The following RASSF3 variants were observed in gnomAD, a reference collection of about 807,000 sequenced individuals.
RASSF3 encodes ras association domain-containing protein 3.
A neutral mutation model predicts 19.9 loss-of-function variants in RASSF3; 19 were observed. The ratio of observed to expected loss-of-function variants is 0.96; its 90% CI spans 0.67 to 1.40. The LOEUF (loss-of-function observed/expected upper bound fraction) is 1.40, where lower values mean the gene tolerates loss of function less well. Ranked by LOEUF, RASSF3 falls within the 40% of genes most tolerant of loss-of-function variation. RASSF3 has a pLI of 0.00. For missense variants in RASSF3, 306 were observed against 289.8 expected (o/e 1.06, Z -0.41); for synonymous variants, 110 against 104.2 (o/e 1.06, Z -0.34).
At chr12:64,627,213 G>A (rs1004049307) in intron 1 of RASSF3, among the ~76,000 whole-genome samples, 1 of 152,116 alleles carries the variant, frequency 6.6e-6, no homozygotes, top group Non-Finnish European at 1.5e-5. Context: ...ATTCTCAGTC[G>A]ACTGTAGTAT....
At chr12:64,552,611 G>A (rs1009312023) in intron 2 of RASSF3, among the ~76,000 whole-genome samples, 3 of 152,250 alleles carry the variant, frequency 2.0e-5, no homozygotes, top group East Asian at 3.9e-4. Flanking sequence ...CCACTTATAA[G>A]TGAGAACATG....
At chr12:64,657,895 C>A (rs537591300) in intron 1 of RASSF3, among the ~76,000 whole-genome samples, 6 of 152,070 alleles carry the variant, frequency 3.9e-5, no homozygotes, top group Middle Eastern at 3.4e-3. Flanking sequence ...CCAGCCTGGG[C>A]GAGACCTCAT....
At chr12:64,538,037 G>A (rs1868864956) in intron 1 of RASSF3, among the ~76,000 whole-genome samples, 1 of 151,654 alleles carries the variant, frequency 6.6e-6, no homozygotes, top group African/African-American at 2.4e-5. Context: ...CACCCAGGCT[G>A]GAGTACAGTG....
intron 1 of RASSF3, among the ~76,000 whole-genome samples, chr12:64,616,048 C>A (rs1464412921): frequency 6.6e-6 from 1 of 152,104 alleles, no homozygotes; most frequent in Non-Finnish European, 1.5e-5. Context: ...GACATTTTGC[C>A]TAGGGCAAGG....
At chr12:64,626,031 G>T (rs2136168881) in intron 1 of RASSF3, among the ~76,000 whole-genome samples, 1 of 152,016 alleles carries the variant, frequency 6.6e-6, no homozygotes. Flanking sequence ...TCCTTTGGTT[G>T]TATGTTTCTC....
intron 1 of RASSF3, among the ~76,000 whole-genome samples, chr12:64,677,759 G>C (rs896886672): frequency 6.6e-6 from 1 of 152,202 alleles, no homozygotes; most frequent in Non-Finnish European, 1.5e-5. Flanking sequence ...CTGTGTGACA[G>C]TTCTCTTTGT....
intron 1 of RASSF3, among the ~76,000 whole-genome samples, chr12:64,670,544 C>CTTT (rs34897392): frequency 2.4e-4 from 31 of 131,278 alleles, no homozygotes; most frequent in South Asian, 4.9e-4. Context: ...CTCTCTCTCT[C>CTTT]TTTTTTTTTT....
At chr12:64,615,045 G>A (rs753878492) in intron 1 of RASSF3, among the ~76,000 whole-genome samples, 10 of 152,154 alleles carry the variant, frequency 6.6e-5, no homozygotes, top group Non-Finnish European at 1.0e-4. Context: ...TCATGACAGT[G>A]TTTATAATTT....
chr12:64,565,059 G>T (rs1470840270), intron 2 of RASSF3, among the ~76,000 whole-genome samples: 2 of 151,652 alleles, frequency 1.3e-5, no homozygotes, highest in Admixed American at 1.3e-4. Flanking sequence ...AAGATTACAG[G>T]TGTGAGCCAC....
chr12:64,586,639 T>C (rs1355149717), intron 2 of RASSF3, among the ~76,000 whole-genome samples: 5 of 151,560 alleles, frequency 3.3e-5, no homozygotes, highest in Non-Finnish European at 7.4e-5. Flanking sequence ...AAAAGTAAAA[T>C]AGGCCAGGCA....
At chr12:64,547,565 C>CA (rs1243888055) in intron 2 of RASSF3, among the ~76,000 whole-genome samples, 13 of 148,602 alleles carry the variant, frequency 8.7e-5, no homozygotes, top group East Asian at 3.9e-4. Flanking sequence ...GACTCCGTCT[C>CA]AAAAAAAAGA....
rs572373832 is a variant in RASSF3, at chr12:64,610,556, G to C, written c.-77G>C. On this transcript the variant is annotated 5_prime_UTR_variant, in exon 1 of 5. Coordinates refer to ENST00000542104, the MANE Select transcript of RASSF3 (RefSeq NM_178169.4). ...GGGGCTGCGCGCCGGGAACCTCGCG[G>C]GGCTGGCGGGCGCCGCACCCCCTCC... The C allele has an allele frequency of 1.5e-6, 1 of 668,818 alleles. No individual in the cohort carries two copies. Among genetic ancestry groups the C allele is most frequent in the East Asian group, 3.8e-5 (1 of 26,010 alleles). The allele number at this position is 668,818 out of a possible 1,614,324, so 41.4% of individuals were successfully genotyped here. A position where few individuals can be genotyped will look rare whatever the true frequency, so the allele number is the denominator to read the frequency against.
At chr12:64,651,191 C>CT (rs1316172028) in intron 1 of RASSF3, among the ~76,000 whole-genome samples, 1 of 151,882 alleles carries the variant, frequency 6.6e-6, no homozygotes, top group East Asian at 1.9e-4. Flanking sequence ...CGTGTCCCCT[C>CT]TTTTAAAAAA....
chr12:64,520,555 C>CATATATATATATATATATAT (rs66975333), intron 1 of RASSF3, among the ~76,000 whole-genome samples: 2 of 86,342 alleles, frequency 2.3e-5, no homozygotes, highest in African/African-American at 3.7e-5. Flanking sequence ...CACATACACA[C>CATATATATATATATATATAT]ATATATATAT....
chr12:64,510,717 G>A (rs1049879537), intron 1 of RASSF3, among the ~76,000 whole-genome samples: 31 of 152,306 alleles, frequency 2.0e-4, no homozygotes, highest in African/African-American at 7.5e-4. Flanking sequence ...TCTGAATTCA[G>A]TACATATTTT....
chr12:64,657,322 G>A (rs1177183783), intron 1 of RASSF3, among the ~76,000 whole-genome samples: 1 of 152,122 alleles, frequency 6.6e-6, no homozygotes, highest in African/African-American at 2.4e-5. Flanking sequence ...GTTTCAGCTG[G>A]GGAAGGTGAA....
intron 1 of RASSF3, among the ~76,000 whole-genome samples, chr12:64,665,816 C>T (rs776540956): frequency 1.3e-5 from 2 of 152,230 alleles, no homozygotes; most frequent in Non-Finnish European, 2.9e-5. Context: ...CGCAGGGTCG[C>T]TCTTCAGCTC....
chr12:64,637,917 C>T (rs1316012720), intron 1 of RASSF3, among the ~76,000 whole-genome samples: 1 of 151,028 alleles, frequency 6.6e-6, no homozygotes, highest in Non-Finnish European at 1.5e-5. Flanking sequence ...CTGCAACCTC[C>T]GCCTCCTGGG....
At chr12:64,546,025 G>A (rs184053488), downstream of RASSF3, among the ~76,000 whole-genome samples, 1 of 147,272 alleles carries the variant, frequency 6.8e-6, no homozygotes, top group African/African-American at 2.5e-5. Context: ...GAACCAGGGA[G>A]GCGAAGCTTG....
Sources: allele counts gnomAD v4.1 joint callset (sites outside exome capture counted in the v4.1 genomes callset), GRCh38; gene constraint gnomAD v4.1.1; transcripts MANE v1.5; gene names NCBI Gene and HGNC (gene_info 2026-07-23, HGNC 2026-07-21).